The following SH3D19 variants were observed in gnomAD, a reference collection of about 807,000 sequenced individuals.
SH3D19 encodes the protein SH3 domain-containing protein 19.
SH3D19 carries 58 observed loss-of-function variants against 112.1 expected under a neutral mutation model. The observed-to-expected ratio is 0.52, with a 90% CI of 0.42 to 0.64. SH3D19 has a LOEUF of 0.64. Among genes scored for constraint, SH3D19 ranks in the 30% least tolerant of loss-of-function variants. The probability of loss-of-function intolerance (pLI) is 0.00; values close to 1 mark genes in which losing one functional copy is unlikely to be tolerated. For synonymous variants in SH3D19, 391 were observed against 448.5 expected, an observed-to-expected ratio of 0.87 and a Z score of 1.62; for missense variants, 1,090 against 1,263.4, an observed-to-expected ratio of 0.86 and a Z score of 2.08.
At chr4:151,174,083 C>T (rs956546526) in intron 7 of SH3D19, among the ~76,000 whole-genome samples, 2 of 152,208 alleles carry the variant, frequency 1.3e-5, no homozygotes, top group Non-Finnish European at 2.9e-5. Context: ...GGAAGATGTT[C>T]TGTGAAGATT....
chr4:151,310,196 A>C (rs1729306695), intron 1 of SH3D19, among the ~76,000 whole-genome samples: 1 of 146,562 alleles, frequency 6.8e-6, no homozygotes, highest in Non-Finnish European at 1.5e-5. Context: ...TAACACAGCG[A>C]AACTCTGTCT....
intron 1 of SH3D19, among the ~76,000 whole-genome samples, chr4:151,304,891 T>G (rs1221092345): frequency 6.6e-6 from 1 of 152,142 alleles, no homozygotes; most frequent in African/African-American, 2.4e-5. Flanking sequence ...CCTGTCTGAG[T>G]ACTGAAGGTG....
chr4:151,145,634 C>G (rs781646015), intron 11 of SH3D19, among the ~76,000 whole-genome samples: 23 of 152,204 alleles, frequency 1.5e-4, no homozygotes, highest in Non-Finnish European at 2.8e-4. Flanking sequence ...TCTCACAAAG[C>G]CTGTTTGGTG....
intron 1 of SH3D19, among the ~76,000 whole-genome samples, chr4:151,296,044 A>AAAAGAAAG (rs1336742772): frequency 3.3e-5 from 5 of 150,844 alleles, no homozygotes; most frequent in African/African-American, 9.8e-5. Flanking sequence ...CAAAAAAAAA[A>AAAAGAAAG]AAAGAAAGAA....
At chr4:151,165,489 G>T in intron 8 of SH3D19, 100 bp downstream of exon 8, 3 of 900,988 alleles carry the variant, frequency 3.3e-6, no homozygotes, top group Non-Finnish European at 5.1e-6. Context: ...GACTATGAAT[G>T]GCAGATTATA....
chr4:151,214,375 G>A (rs1419477234), intron 2 of SH3D19, among the ~76,000 whole-genome samples: 16 of 142,938 alleles, frequency 1.1e-4, no homozygotes, highest in African/African-American at 3.3e-4. Flanking sequence ...TTCTCAATGG[G>A]CTGTTGGGCA....
intron 9 of SH3D19, among the ~76,000 whole-genome samples, chr4:151,153,600 T>A (rs1363917373): frequency 6.9e-6 from 1 of 145,632 alleles, no homozygotes; most frequent in Non-Finnish European, 1.6e-5. Flanking sequence ...GTAATTGTAA[T>A]TTTTTTTAAA....
chr4:151,141,515 C>A (rs1056974282), intron 12 of SH3D19, among the ~76,000 whole-genome samples: 1 of 152,076 alleles, frequency 6.6e-6, no homozygotes, highest in Non-Finnish European at 1.5e-5. Flanking sequence ...CATGGTGATA[C>A]ACCCCTGTGG....
intron 1 of SH3D19, among the ~76,000 whole-genome samples, chr4:151,290,852 ATC>A (rs2150018802): frequency 6.6e-6 from 1 of 152,358 alleles, no homozygotes; most frequent in African/African-American, 2.4e-5. Flanking sequence ...TGAAAAAATC[ATC>A]TCATTAGTTT....
chr4:151,317,208 C>G (rs1730074752), intron 1 of SH3D19, among the ~76,000 whole-genome samples: 2 of 152,200 alleles, frequency 1.3e-5, no homozygotes, highest in Non-Finnish European at 2.9e-5. Flanking sequence ...GGGAGAAACT[C>G]TCCAAGATCT....
At chr4:151,256,843 C>T (rs998994063) in intron 1 of SH3D19, among the ~76,000 whole-genome samples, 3 of 151,900 alleles carry the variant, frequency 2.0e-5, no homozygotes, top group African/African-American at 4.8e-5. Flanking sequence ...TGGGTTCAAG[C>T]GATTCTCCTG....
At chr4:151,152,115 G>T (rs1274844666) in intron 9 of SH3D19, among the ~76,000 whole-genome samples, 2 of 152,126 alleles carry the variant, frequency 1.3e-5, no homozygotes, top group African/African-American at 4.8e-5. Context: ...ATTCTTTAGG[G>T]ATGTTAGGCA....
chr4:151,144,241 G>A (rs748838667), intron 11 of SH3D19, 191 bp from the exon 12 acceptor site: 5 of 1,613,974 alleles, frequency 3.1e-6, no homozygotes, highest in African/African-American at 1.3e-5. Context: ...GTTCTCCGGG[G>A]TTTTGAGAGA....
chr4:151,190,351 G>T (rs1271278055), intron 2 of SH3D19, among the ~76,000 whole-genome samples: 3 of 152,194 alleles, frequency 2.0e-5, no homozygotes, highest in Non-Finnish European at 4.4e-5. Flanking sequence ...TAAGTAACAA[G>T]GGGCCAAATG....
intron 2 of SH3D19, among the ~76,000 whole-genome samples, chr4:151,220,307 TG>T (rs1414409277): frequency 6.6e-6 from 1 of 152,364 alleles, no homozygotes; most frequent in East Asian, 1.9e-4. Flanking sequence ...TTTAATTTTA[TG>T]AATGGATATC....
intron 1 of SH3D19, among the ~76,000 whole-genome samples, chr4:151,286,836 C>A (rs1421196484): frequency 2.0e-5 from 3 of 151,562 alleles, no homozygotes; most frequent in African/African-American, 7.3e-5. Context: ...AAAAATTAGC[C>A]AGGCATGGTG....
chr4:151,137,704 C>G, intron 14 of SH3D19, 28 bp downstream of exon 14: 1 of 1,556,136 alleles, frequency 6.4e-7, no homozygotes, highest in Non-Finnish European at 8.7e-7. Flanking sequence ...AGTATATGAC[C>G]AAATTAAAAC....
chr4:151,185,044 T>G (rs1027089695), intron 3 of SH3D19, among the ~76,000 whole-genome samples: 1 of 13,426 alleles, frequency 7.4e-5, no homozygotes, highest in African/African-American at 8.9e-5. Flanking sequence ...TGTCCTGTTT[T>G]TTTTTTTTTT....
chr4:151,136,883 A>C (rs1751967376), intron 14 of SH3D19, among the ~76,000 whole-genome samples: 1 of 152,240 alleles, frequency 6.6e-6, no homozygotes. Context: ...TTTCTATTTG[A>C]AGAATTCAGA....
Sources: gnomAD v4.1 joint callset for allele counts (sites outside exome capture counted in the v4.1 genomes callset) on GRCh38, gnomAD v4.1.1 for gene constraint, MANE v1.5 for transcripts, NCBI Gene and HGNC (gene_info 2026-07-23, HGNC 2026-07-21) for gene names.